HOPX: variants seen among roughly 807,000 people sequenced by gnomAD.
HOPX encodes homeodomain-only protein.
A neutral mutation model predicts 11.8 loss-of-function variants in HOPX; 5 were observed. The ratio of observed to expected loss-of-function variants is 0.43; its 90% confidence interval spans 0.22 to 0.89. HOPX has a LOEUF of 0.89. HOPX is among the 40% of genes least tolerant of loss of function. The pLI is 0.28. For missense variants in HOPX, 119 were observed against 120.0 expected, an observed-to-expected ratio of 0.99 and a Z score of 0.04; for synonymous variants, 49 against 49.7, an observed-to-expected ratio of 0.99 and a Z score of 0.06.
chr4:56,656,760 T>C (rs796518583), intron 2 of HOPX, among the ~76,000 whole-genome samples: 57 of 152,288 alleles, frequency 3.7e-4, no homozygotes, highest in African/African-American at 1.4e-3. Context: ...ACTCTGCCGC[T>C]CTGCAACCTC....
At chr4:56,669,569 G>A (rs1578355683) in intron 1 of HOPX, among the ~76,000 whole-genome samples, 1 of 152,078 alleles carries the variant, frequency 6.6e-6, no homozygotes, top group East Asian at 1.9e-4. Flanking sequence ...TGAGGCAGGA[G>A]AATTACTTGA....
rs2109547886 is a variant in HOPX at position 56,674,460 on chromosome 4, T to C, written c.-84+6795A>G. On this transcript the variant is annotated intron_variant, in intron 1 of 3. Coordinates refer to ENST00000420433, the MANE Select transcript of HOPX (RefSeq NM_032495.6). ...TATCTAAGCAGATCTGTCATGACCT[T>C]AAGAATCCTAGGAAATTTTCCTCAT... Among the ~76,000 whole-genome samples, 2 of 151,690 alleles carry C rather than the reference T, an allele frequency of 1.3e-5. 1 individual carries two copies. Among genetic ancestry groups the C allele is most frequent in the Middle Eastern group, 6.8e-3 (2 of 294 alleles).
intron 1 of HOPX, chr4:56,664,318 T>G (rs2109516728): frequency 6.7e-6 from 1 of 150,074 alleles, no homozygotes; most frequent in Admixed American, 6.6e-5. Context: ...TTTTTTTTAG[T>G]AGAGACAGTG....
At chr4:56,665,969 C>T (rs544093962) in intron 1 of HOPX, among the ~76,000 whole-genome samples, 2 of 152,238 alleles carry the variant, frequency 1.3e-5, no homozygotes, top group Non-Finnish European at 2.9e-5. Flanking sequence ...GTGAAAGGGG[C>T]AGTAGAGCCA....
intron 1 of HOPX, among the ~76,000 whole-genome samples, chr4:56,667,373 T>C (rs1718493082): frequency 6.6e-6 from 1 of 152,198 alleles, no homozygotes; most frequent in African/African-American, 2.4e-5. Context: ...TTCTCTATTA[T>C]CCAGTTTGAA....
intron 1 of HOPX, among the ~76,000 whole-genome samples, chr4:56,677,461 T>C (rs968627188): frequency 6.6e-6 from 1 of 151,756 alleles, no homozygotes; most frequent in Non-Finnish European, 1.5e-5. Context: ...AGATATGTTA[T>C]CTTGCTGGAA....
chr4:56,650,554 G>A, intron 3 of HOPX: 1 of 965,280 alleles, frequency 1.0e-6, no homozygotes, highest in Admixed American at 2.3e-5. Context: ...AGGCTCTGCA[G>A]GACTGCTTTG....
intron 1 of HOPX, chr4:56,678,724 G>A (rs1719160601): frequency 6.6e-6 from 1 of 151,936 alleles, no homozygotes. Flanking sequence ...GGGGTTACAG[G>A]CATGAGCCAC....
Position 56,648,477 on chromosome 4 carries a change from C to G in HOPX, c.*243G>C, listed in dbSNP as rs556265015. 1 of 375,114 alleles carries G rather than the reference C, an allele frequency of 2.7e-6. No individual in the cohort carries two copies. The highest frequency in any genetic ancestry group is 3.8e-5 in the East Asian group (1 of 26,194). 23.2% of individuals were successfully genotyped at this position (375,114 alleles called of 1,614,324 possible). The stretch of plus-strand genomic sequence containing the variant: ...TGTCATCATGACTCAAAGGGAAATG[C>G]TAGCCACACCATTTTTCCAGTGAAG... On this transcript the variant is annotated 3_prime_UTR_variant, in exon 4 of 4. Transcript: ENST00000420433.
At chr4:56,656,347 C>A in intron 2 of HOPX, 1 of 1,046,740 alleles carries the variant, frequency 9.6e-7, no homozygotes, top group Non-Finnish European at 1.1e-6. Context: ...CACCGACCTC[C>A]GGCTCTAAGG....
chr4:56,656,246 G>T (rs1717713498), intron 2 of HOPX: 1 of 1,158,500 alleles, frequency 8.6e-7, no homozygotes, highest in East Asian at 3.9e-5. Context: ...GCAGAGCCTA[G>T]CGTCCTGCGC....
intron 1 of HOPX, among the ~76,000 whole-genome samples, chr4:56,666,419 C>T (rs752345415): frequency 1.1e-4 from 16 of 152,196 alleles, no homozygotes; most frequent in African/African-American, 3.9e-4. Flanking sequence ...TCCAGACTTT[C>T]TGTAGCCGCT....
chr4:56,681,323 A>C, upstream of HOPX: 1 of 985,420 alleles, frequency 1.0e-6, no homozygotes, highest in Non-Finnish European at 1.2e-6. Flanking sequence ...AGCCTGCTTA[A>C]ATAGCTGGGC....
rs543576601 is a variant in HOPX, at chr4:56,655,822, G to C, written c.198+35C>G. On this transcript the variant is annotated intron_variant, in intron 3 of 3. Coordinates refer to ENST00000420433, the MANE Select transcript of HOPX (RefSeq NM_032495.6). ...CCGCGAGAAGGCTCAGCCCAGGCAG[G>C]GGTCGGGGCGCGCTGGGCGCGTGTG... The C allele has an allele frequency of 1.1e-5, 18 of 1,600,952 alleles. No homozygotes were observed. The Admixed American group carries it at 1.7e-4, about 15-fold the overall frequency.
intron 1 of HOPX, among the ~76,000 whole-genome samples, chr4:56,666,298 C>G (rs867882590): frequency 0.016 from 2,511 of 152,312 alleles, 79 homozygotes; most frequent in African/African-American, 0.058. Context: ...TGGCTTCAAC[C>G]AGACCAGCTG....
intron 1 of HOPX, among the ~76,000 whole-genome samples, chr4:56,678,227 A>C: frequency 6.7e-6 from 1 of 148,930 alleles, no homozygotes. Context: ...GCCTCATCCT[A>C]CTCTCGGACT....
At chr4:56,660,202 T>C (rs1048388555) in intron 1 of HOPX, among the ~76,000 whole-genome samples, 14 of 152,224 alleles carry the variant, frequency 9.2e-5, no homozygotes, top group Non-Finnish European at 1.3e-4. Flanking sequence ...TGTTCTCCTC[T>C]AATTCCTTAA....
chr4:56,673,512 T>C (rs556259424), intron 1 of HOPX, among the ~76,000 whole-genome samples: 1 of 152,346 alleles, frequency 6.6e-6, no homozygotes, highest in Non-Finnish European at 1.5e-5. Context: ...GAGTACTTCA[T>C]GGCTTACTTA....
At chr4:56,681,655 T>G, upstream of HOPX, 2 of 1,000,244 alleles carry the variant, frequency 2.0e-6, no homozygotes, top group Non-Finnish European at 2.4e-6. Context: ...TTCCTTACTT[T>G]GAGCGAGTTT....
Sources: allele counts gnomAD v4.1 joint callset (sites outside exome capture counted in the v4.1 genomes callset), GRCh38; gene constraint gnomAD v4.1.1; transcripts MANE v1.5; gene names NCBI Gene and HGNC (gene_info 2026-07-23, HGNC 2026-07-21).